The following TRAPPC9 variants were observed in gnomAD, a reference collection of about 807,000 sequenced individuals.
TRAPPC9 encodes IKK2 binding protein.
Under a neutral mutation model 124.0 loss-of-function variants are expected in TRAPPC9, and 83 were observed. That is an observed-to-expected ratio of 0.67 (90% CI 0.56 to 0.80). TRAPPC9 has a LOEUF of 0.80. Among genes scored for constraint, TRAPPC9 ranks in the 30% least tolerant of loss-of-function variants. TRAPPC9 has a pLI of 0.00. For missense variants in TRAPPC9, 1,302 were observed against 1,508.3 expected (o/e 0.86, Z 2.27); for synonymous variants, 638 against 617.5 (o/e 1.03, Z -0.49).
intron 17 of TRAPPC9, among the ~76,000 whole-genome samples, chr8:140,089,856 T>G (rs1844447673): frequency 6.6e-6 from 1 of 151,956 alleles, no homozygotes; most frequent in Admixed American, 6.6e-5. Flanking sequence ...GAGGCGGGCA[T>G]ATCACGAGGT....
intron 21 of TRAPPC9, among the ~76,000 whole-genome samples, chr8:139,838,536 C>T (rs920365520): frequency 2.0e-5 from 3 of 152,150 alleles, no homozygotes; most frequent in African/African-American, 7.2e-5. Context: ...ATGGGCTGCT[C>T]GGAGCCCCCC....
chr8:139,850,603 A>G (rs1052921851), intron 21 of TRAPPC9, among the ~76,000 whole-genome samples: 4 of 152,268 alleles, frequency 2.6e-5, no homozygotes, highest in East Asian at 1.9e-4. Flanking sequence ...TTGTAGGGAT[A>G]TAAGTCACAG....
chr8:139,800,904 T>C (rs1823463722), intron 21 of TRAPPC9, among the ~76,000 whole-genome samples: 1 of 145,390 alleles, frequency 6.9e-6, no homozygotes, highest in African/African-American at 2.6e-5. Flanking sequence ...CTCCGGTACC[T>C]TCCCTCCCTC....
chr8:139,817,508 C>G (rs918868007), intron 21 of TRAPPC9, among the ~76,000 whole-genome samples: 3 of 152,214 alleles, frequency 2.0e-5, no homozygotes, highest in African/African-American at 7.2e-5. Flanking sequence ...ATCGTCCTCA[C>G]GGCCCTCAAT....
intron 19 of TRAPPC9, among the ~76,000 whole-genome samples, chr8:139,957,311 G>A (rs1159534507): frequency 6.6e-6 from 1 of 152,346 alleles, no homozygotes; most frequent in Non-Finnish European, 1.5e-5. Context: ...TGTCCTGGAC[G>A]GGGCACGCTA....
At chr8:140,283,532 T>C (rs7006718) in intron 14 of TRAPPC9, among the ~76,000 whole-genome samples, 108,003 of 150,468 alleles carry the variant, frequency 0.72, 40,082 homozygotes, top group African/African-American at 0.92. Flanking sequence ...ATCCTGACCT[T>C]GTGATCCACC....
At chr8:139,917,134 T>TA (rs1832188230) in intron 19 of TRAPPC9, among the ~76,000 whole-genome samples, 1 of 147,662 alleles carries the variant, frequency 6.8e-6, no homozygotes, top group East Asian at 2.0e-4. Context: ...TCAATTATGG[T>TA]AAAAAAGAGA....
intron 21 of TRAPPC9, among the ~76,000 whole-genome samples, chr8:139,813,568 T>C (rs1051168254): frequency 5.9e-5 from 9 of 152,232 alleles, no homozygotes; most frequent in Admixed American, 1.3e-4. Context: ...CCCAGCACCT[T>C]GGCAGCAGCA....
chr8:139,925,018 G>T (rs1587234205), intron 19 of TRAPPC9, among the ~76,000 whole-genome samples: 1 of 152,166 alleles, frequency 6.6e-6, no homozygotes, highest in Non-Finnish European at 1.5e-5. Context: ...TCTCCAGCAC[G>T]AGGGGCCACC....
At chr8:139,784,723 AG>A (rs1397055687) in intron 21 of TRAPPC9, among the ~76,000 whole-genome samples, 4 of 150,950 alleles carry the variant, frequency 2.6e-5, no homozygotes, top group African/African-American at 9.7e-5. Flanking sequence ...AATAGCATAA[AG>A]AATATGAAAT....
chr8:140,390,231 G>A (rs1260693265), intron 7 of TRAPPC9, among the ~76,000 whole-genome samples: 2 of 152,134 alleles, frequency 1.3e-5, no homozygotes, highest in African/African-American at 4.8e-5. Flanking sequence ...CTTAAGCCTG[G>A]GAGGCAGAGG....
intron 15 of TRAPPC9, among the ~76,000 whole-genome samples, chr8:140,259,451 C>G (rs2064348397): frequency 6.6e-6 from 1 of 152,178 alleles, no homozygotes; most frequent in Non-Finnish European, 1.5e-5. Flanking sequence ...TAGTTACAAA[C>G]CCCAGCTTCA....
intron 17 of TRAPPC9, among the ~76,000 whole-genome samples, chr8:140,184,035 C>A (rs2062293026): frequency 6.7e-6 from 1 of 150,128 alleles, no homozygotes; most frequent in Non-Finnish European, 1.5e-5. Flanking sequence ...TGAGCACTGG[C>A]CTTCTCTACC....
At chr8:140,259,919 GA>G (rs1376668515) in intron 15 of TRAPPC9, among the ~76,000 whole-genome samples, 3 of 152,156 alleles carry the variant, frequency 2.0e-5, no homozygotes, top group African/African-American at 7.2e-5. Context: ...AGAGCTATGT[GA>G]AAAAAGCGGA....
At chr8:140,262,339 C>T (rs1031581781) in intron 15 of TRAPPC9, among the ~76,000 whole-genome samples, 3 of 151,180 alleles carry the variant, frequency 2.0e-5, no homozygotes, top group East Asian at 3.8e-4. Flanking sequence ...CTCAGCCCTC[C>T]CTGAGTTCTT....
At chr8:140,291,327 A>G in intron 11 of TRAPPC9, 1 of 563,812 alleles carries the variant, frequency 1.8e-6, no homozygotes. Flanking sequence ...GGCTGCATTC[A>G]TGCTGGCATC....
intron 7 of TRAPPC9, among the ~76,000 whole-genome samples, chr8:140,372,776 C>G (rs1389359955): frequency 6.6e-6 from 1 of 152,174 alleles, no homozygotes; most frequent in Non-Finnish European, 1.5e-5. Flanking sequence ...AGTGGGCCCT[C>G]CCCAGACACC....
At chr8:140,090,046 C>T (rs1844462512) in intron 17 of TRAPPC9, among the ~76,000 whole-genome samples, 1 of 152,106 alleles carries the variant, frequency 6.6e-6, no homozygotes, top group East Asian at 1.9e-4. Flanking sequence ...CACCACCGCA[C>T]TCCAGCCTGG....
rs117078253 is a variant in TRAPPC9 at position 139,831,714 on chromosome 8, G to A, written c.3055+54165C>T. Among the ~76,000 whole-genome samples, 32 of 152,308 alleles carry A rather than the reference G, an allele frequency of 2.1e-4. No homozygotes were observed. The East Asian group carries it at 2.7e-3, about 13-fold the overall frequency. ...CACTGGATGGGGGGTCAGGTATCAT[G>A]TGAGAGGAGGCTCCTTTGCTTTGCA... On this transcript the variant is annotated intron_variant, in intron 21 of 22. Coordinates refer to ENST00000438773, the MANE Select transcript of TRAPPC9 (RefSeq NM_001160372.4).
Sources: gnomAD v4.1 joint callset for allele counts (sites outside exome capture counted in the v4.1 genomes callset) on GRCh38, gnomAD v4.1.1 for gene constraint, MANE v1.5 for transcripts, NCBI Gene and HGNC (gene_info 2026-07-23, HGNC 2026-07-21) for gene names.